The following HPSE2 variants were observed in gnomAD, a reference collection of about 807,000 sequenced individuals.
HPSE2 encodes inactive heparanase-2.
HPSE2 carries 38 observed loss-of-function variants against 60.5 expected under a neutral mutation model. The observed-to-expected ratio is 0.63, with a 90% CI of 0.48 to 0.82. The LOEUF is 0.82. HPSE2 is among the 40% of genes least tolerant of loss of function. The pLI, the probability that HPSE2 is intolerant of heterozygous loss-of-function variation, is 0.00. For missense variants in HPSE2, 713 were observed against 740.4 expected, an observed-to-expected ratio of 0.96 and a Z score of 0.43; for synonymous variants, 295 against 293.2, an observed-to-expected ratio of 1.01 and a Z score of -0.06.
chr10:99,052,256 AGAAAT>A (rs1005662496), intron 3 of HPSE2, among the ~76,000 whole-genome samples: 21 of 152,038 alleles, frequency 1.4e-4, no homozygotes. Context: ...TGGAAACTCT[AGAAAT>A]GAAAAGTACA....
At chr10:98,905,526 T>G (rs962133702) in intron 3 of HPSE2, among the ~76,000 whole-genome samples, 7 of 152,138 alleles carry the variant, frequency 4.6e-5, no homozygotes, top group Non-Finnish European at 7.3e-5. Context: ...AGAAAAATAC[T>G]TACATGTTCA....
chr10:99,287,696 T>C, the HPSE2 span, among the ~76,000 whole-genome samples: 9 of 152,234 alleles, frequency 5.9e-5, no homozygotes, highest in African/African-American at 1.9e-4. Flanking sequence ...AATTTTTCCC[T>C]AGGTGGTTCA....
At chr10:99,221,219 A>C (rs1849303484) in intron 2 of HPSE2, among the ~76,000 whole-genome samples, 2 of 152,220 alleles carry the variant, frequency 1.3e-5, no homozygotes, top group Non-Finnish European at 2.9e-5. Flanking sequence ...TGATAATAAA[A>C]TGAATGAAAA....
chr10:98,925,826 T>C (rs887481670), intron 3 of HPSE2, among the ~76,000 whole-genome samples: 1 of 152,252 alleles, frequency 6.6e-6, no homozygotes, highest in Admixed American at 6.5e-5. Context: ...TTGGGGTCTT[T>C]TGTGTTTGTA....
intron 9 of HPSE2, among the ~76,000 whole-genome samples, chr10:98,581,965 ACACAC>A (rs774417592): frequency 0.053 from 8,007 of 152,282 alleles, 278 homozygotes; most frequent in Middle Eastern, 0.13. Flanking sequence ...GGTCCCCTAC[ACACAC>A]ATGTTCCTTG....
At chr10:98,655,865 G>A (rs899978773) in intron 6 of HPSE2, among the ~76,000 whole-genome samples, 2 of 152,074 alleles carry the variant, frequency 1.3e-5, no homozygotes, top group African/African-American at 4.8e-5. Flanking sequence ...GCTTTCTAAG[G>A]CCCTTTCCAG....
At chr10:99,128,834 TTAAAA>T (rs769845413) in intron 3 of HPSE2, among the ~76,000 whole-genome samples, 2 of 152,118 alleles carry the variant, frequency 1.3e-5, no homozygotes, top group East Asian at 1.9e-4. Context: ...ATCCCAGAAC[TTAAAA>T]TAAAATTTAA....
At chr10:99,162,197 G>C (rs980325849) in intron 2 of HPSE2, among the ~76,000 whole-genome samples, 2 of 152,092 alleles carry the variant, frequency 1.3e-5, no homozygotes, top group African/African-American at 4.8e-5. Context: ...ATTCTGTTCT[G>C]TGTATTTAAC....
intron 6 of HPSE2, among the ~76,000 whole-genome samples, chr10:98,687,321 C>T (rs1364990861): frequency 6.6e-6 from 1 of 152,170 alleles, no homozygotes; most frequent in African/African-American, 2.4e-5. Context: ...ATCATTGGCT[C>T]TTGTTCCTCT....
rs12246384 is a variant in HPSE2 at position 99,121,304 on chromosome 10, G to T, written c.610+22934C>A. Among the ~76,000 whole-genome samples, 269 of 152,224 alleles carry T rather than the reference G, an allele frequency of 1.8e-3. 1 individual carries two copies. Among genetic ancestry groups the T allele is most frequent in the African/African-American group, 6.0e-3 (251 of 41,544 alleles). ...TGGGGCCTATCAGAGGGTGGAGGGT[G>T]GGAGGAGGGAGAGGATCAGGAAAAA... On this transcript the variant is annotated intron_variant, in intron 3 of 11. Coordinates refer to ENST00000370552, the MANE Select transcript of HPSE2 (RefSeq NM_021828.5).
chr10:98,637,964 C>A (rs1028819732), intron 7 of HPSE2, among the ~76,000 whole-genome samples: 2 of 151,478 alleles, frequency 1.3e-5, no homozygotes, highest in Non-Finnish European at 2.9e-5. Context: ...CATGGTGAAA[C>A]CCTTGTCTCT....
chr10:99,294,833 G>A, the HPSE2 span, among the ~76,000 whole-genome samples: 1 of 152,096 alleles, frequency 6.6e-6, no homozygotes, highest in East Asian at 1.9e-4. Flanking sequence ...CACCACGCCT[G>A]TAATCCCAGC....
Position 98,511,130 on chromosome 10 carries a change from G to GTT in HPSE2, c.1321-20936_1321-20935dup, listed in dbSNP as rs11393115. ...TTAATGAAGTATTTAATGTGTTGCTGTTTTTTTTTTGTTTGTTTTTGTTTT... is the reference window on the plus strand; with the variant it reads ...TTAATGAAGTATTTAATGTGTTGCTGTTTTTTTTTTTTGTTTGTTTTTGTTTT... On this transcript the variant is annotated intron_variant, in intron 9 of 11. Transcript: ENST00000370552. Among the ~76,000 whole-genome samples the GTT allele has an allele frequency of 7.2e-3, 1,005 of 138,972 alleles. 4 individuals carry two copies. The highest frequency in any genetic ancestry group is 9.9e-3 in the Non-Finnish European group (614 of 61,958). 91.2% of individuals were successfully genotyped at this position (138,972 alleles called of 152,430 possible).
At chr10:99,068,859 A>G (rs1842697624) in intron 3 of HPSE2, among the ~76,000 whole-genome samples, 1 of 152,234 alleles carries the variant, frequency 6.6e-6, no homozygotes, top group Non-Finnish European at 1.5e-5. Context: ...CCAATAAATT[A>G]GACAACTTGG....
intron 2 of HPSE2, among the ~76,000 whole-genome samples, chr10:99,210,117 A>G (rs1848906632): frequency 6.6e-6 from 1 of 152,218 alleles, no homozygotes; most frequent in Non-Finnish European, 1.5e-5. Flanking sequence ...CAGAAACACA[A>G]AGATCCTAAG....
At chr10:98,576,836 A>G (rs1479625279) in intron 9 of HPSE2, among the ~76,000 whole-genome samples, 3 of 151,924 alleles carry the variant, frequency 2.0e-5, no homozygotes, top group Non-Finnish European at 2.9e-5. Flanking sequence ...TTCAATTGCT[A>G]ATTAGCCCTC....
intron 2 of HPSE2, among the ~76,000 whole-genome samples, chr10:99,153,435 T>A (rs533091220): frequency 2.6e-5 from 4 of 152,220 alleles, no homozygotes; most frequent in Admixed American, 2.6e-4. Context: ...CTCAAGTGGG[T>A]CCCTGACCCC....
chr10:98,644,515 T>C (rs1323758299), intron 6 of HPSE2, among the ~76,000 whole-genome samples: 1 of 152,160 alleles, frequency 6.6e-6, no homozygotes. Context: ...TGTAAAAATT[T>C]GGAGTTTGAA....
At chr10:99,140,305 A>C (rs1845821177) in intron 3 of HPSE2, among the ~76,000 whole-genome samples, 1 of 152,228 alleles carries the variant, frequency 6.6e-6, no homozygotes, top group African/African-American at 2.4e-5. Flanking sequence ...AGAAAACCAA[A>C]AATGGCAGCC....
Sources: gnomAD v4.1 joint callset for allele counts (sites outside exome capture counted in the v4.1 genomes callset) on GRCh38, gnomAD v4.1.1 for gene constraint, MANE v1.5 for transcripts, NCBI Gene and HGNC (gene_info 2026-07-23, HGNC 2026-07-21) for gene names.